IVD: variants seen among roughly 807,000 people sequenced by gnomAD.
IVD encodes the protein isovaleryl-CoA dehydrogenase.
In IVD, 31 loss-of-function variants were observed where a neutral mutation model predicts 51.3. That is an observed-to-expected ratio of 0.60 (90% CI 0.45 to 0.81). IVD has a LOEUF of 0.81. IVD is among the 40% of genes least tolerant of loss of function. The pLI is 0.00. For missense variants in IVD, 475 were observed against 552.0 expected (o/e 0.86, Z 1.40); for synonymous variants, 205 against 219.4 (o/e 0.93, Z 0.58).
chr15:40,420,146 C>T lies in IVD; in HGVS notation c.*1883C>T, dbSNP rs562252152. The T allele has an allele frequency of 5.5e-4, 526 of 948,094 alleles. 2 individuals carry two copies. The African/African-American group carries it at 8.9e-3, about 16-fold the overall frequency. The allele number at this position is 948,094 out of a possible 1,614,324, so 58.7% of individuals were successfully genotyped here. A position where few individuals can be genotyped will look rare whatever the true frequency, so the allele number is the denominator to read the frequency against. Reference sequence around the variant, plus strand: ...AAATGAACACACATGCTGCTGAGTCCGCAGGGGGGGCAGAGCAGAGGACAG... The same window carrying T: ...AAATGAACACACATGCTGCTGAGTCTGCAGGGGGGGCAGAGCAGAGGACAG... On this transcript the variant is annotated 3_prime_UTR_variant, in exon 12 of 12. Coordinates refer to ENST00000487418, the MANE Select transcript of IVD (RefSeq NM_002225.5).
At chr15:40,425,439 A>AATATATATATATATATAT (rs1566949596), downstream of IVD, among the ~76,000 whole-genome samples, 3 of 73,484 alleles carry the variant, frequency 4.1e-5, no homozygotes, top group African/African-American at 1.3e-4. Flanking sequence ...CTGGACTCAT[A>AATATATATATATATATAT]CTATATATAT....
In IVD at chr15:40,420,705, G is replaced by A. The variant is rs1044590170; in HGVS notation, c.*2442G>A. The A allele has an allele frequency of 2.0e-5, 20 of 986,190 alleles. No homozygotes were observed. In the Admixed American group the frequency reaches 9.2e-4, roughly 46 times the overall value. The allele number at this position is 986,190 out of a possible 1,614,324, so 61.1% of individuals were successfully genotyped here. On this transcript the variant is annotated 3_prime_UTR_variant, in exon 12 of 12. Coordinates refer to ENST00000487418, the MANE Select transcript of IVD (RefSeq NM_002225.5). ...GGAAGCTTATAGATTTCTGAAAACC[G>A]CCCCTTTGTTTTTAAAAAGATCAAC...
At chr15:40,433,575 C>T (rs142491008) in intron 7 of IVD, among the ~76,000 whole-genome samples, 8 of 152,258 alleles carry the variant, frequency 5.3e-5, no homozygotes, top group African/African-American at 9.6e-5. Context: ...GATATCTGAG[C>T]GGACAAGTGT....
At chr15:40,432,403 C>G (rs1893028658) in intron 7 of IVD, among the ~76,000 whole-genome samples, 1 of 152,202 alleles carries the variant, frequency 6.6e-6, no homozygotes, top group African/African-American at 2.4e-5. Flanking sequence ...GTCTGCATGG[C>G]CTCCCAAGTC....
intron 1 of IVD, among the ~76,000 whole-genome samples, chr15:40,407,354 AGGCCTG>A (rs557442065): frequency 7.1e-4 from 108 of 152,362 alleles, no homozygotes; most frequent in Middle Eastern, 3.4e-3. Flanking sequence ...AGGGCCTAGT[AGGCCTG>A]GGTGAGAAGC....
intron 7 of IVD, among the ~76,000 whole-genome samples, chr15:40,433,071 C>T (rs1035964895): frequency 4.6e-5 from 7 of 152,126 alleles, no homozygotes; most frequent in Non-Finnish European, 5.9e-5. Flanking sequence ...GACACTGTAG[C>T]GCCAGGACTG....
exon 9 of IVD, chr15:40,435,515 A>G: frequency 1.6e-6 from 2 of 1,249,928 alleles, no homozygotes; most frequent in Non-Finnish European, 2.1e-6. Flanking sequence ...ACTGAGATGC[A>G]AGATCCTCCT....
Position 40,415,330 on chromosome 15 carries a change from G to A in IVD, c.879-71G>A, listed in dbSNP as rs765466717. 16 of 1,331,134 alleles carry A rather than the reference G, an allele frequency of 1.2e-5. No individual in the cohort carries two copies. The East Asian group carries it at 2.1e-4, about 17-fold the overall frequency. The allele number at this position is 1,331,134 out of a possible 1,614,324, so 82.5% of individuals were successfully genotyped here. ...CTCCCTGGGATTCTGGCCTTCCCAC[G>A]CTAGCATTTTGCCACCACACCCGGT... On this transcript the variant is annotated intron_variant, in intron 8 of 11. Coordinates refer to ENST00000487418, the MANE Select transcript of IVD (RefSeq NM_002225.5).
chr15:40,412,357 G>T (rs937855944), intron 6 of IVD, among the ~76,000 whole-genome samples: 4 of 152,218 alleles, frequency 2.6e-5, no homozygotes, highest in African/African-American at 9.7e-5. Flanking sequence ...ACGAGTGGGG[G>T]AGTTGGCAAG....
chr15:40,411,110 G>T, intron 4 of IVD, 150 bp from the exon 5 acceptor site: 1 of 848,744 alleles, frequency 1.2e-6, no homozygotes, highest in South Asian at 1.4e-5. Context: ...TAGCCATTGG[G>T]CTTAGAAGAG....
downstream of IVD, among the ~76,000 whole-genome samples, chr15:40,425,217 G>A (rs1401683651): frequency 2.0e-5 from 3 of 152,110 alleles, no homozygotes; most frequent in African/African-American, 7.2e-5. Flanking sequence ...CATATGCAGT[G>A]TGAAAAATAA....
intron 9 of IVD, 46 bp from the exon 10 acceptor site, chr15:40,416,030 TGA>T: frequency 6.4e-7 from 1 of 1,573,076 alleles, no homozygotes; most frequent in Non-Finnish European, 8.7e-7. Flanking sequence ...TTTTGGTAAC[TGA>T]GAGAGTGTTC....
downstream of IVD, among the ~76,000 whole-genome samples, chr15:40,422,615 T>TTTTTTTTTTTTTTTTTTTTG (rs1457258132): frequency 1.1e-5 from 1 of 87,276 alleles, no homozygotes; most frequent in Non-Finnish European, 2.3e-5. Context: ...TTTTTTTTTT[T>TTTTTTTTTTTTTTTTTTTTG]TTAAGACGGA....
downstream of IVD, among the ~76,000 whole-genome samples, chr15:40,427,118 G>A (rs772118540): frequency 6.6e-5 from 10 of 152,174 alleles, no homozygotes; most frequent in East Asian, 1.9e-4. Flanking sequence ...CAGTACCTCC[G>A]CTCCTCAAAG....
chr15:40,422,329 G>C (rs1892366531), downstream of IVD, among the ~76,000 whole-genome samples: 1 of 151,804 alleles, frequency 6.6e-6, no homozygotes, highest in Non-Finnish European at 1.5e-5. Context: ...TGTCGCCCAA[G>C]CTGGAGTGCA....
Position 40,414,969 on chromosome 15 carries a change from G to A in IVD, c.865G>A (p.Gly289Arg), listed in dbSNP as rs568885234. The A allele has an allele frequency of 1.4e-5, 22 of 1,613,460 alleles. No homozygotes were observed. Among genetic ancestry groups the A allele is most frequent in the East Asian group, 4.5e-5 (2 of 44,856 alleles). The part of the protein sequence containing the change: ...GLDLERLVLA[G>R]GPLGLMQAVL... The stretch of plus-strand genomic sequence containing the variant: ...GGACCTGGAGCGGCTGGTGCTGGCC[G>A]GGGGGCCTCTTGGGTAAGTGTGAGA... Residue 289 changes from glycine (G) to arginine (R), a missense_variant, in exon 8 of 12, where the codon GGG (glycine) becomes AGG (arginine). Gly to Arg is a moderately radical substitution (Grantham distance 125). Coordinates refer to ENST00000487418, the MANE Select transcript of IVD (RefSeq NM_002225.5).
At chr15:40,431,965 C>CTTTT (rs34083732) in intron 7 of IVD, among the ~76,000 whole-genome samples, 4 of 138,836 alleles carry the variant, frequency 2.9e-5, no homozygotes, top group Non-Finnish European at 3.1e-5. Context: ...ATATCTAAGT[C>CTTTT]TTTTTTTTTT....
At chr15:40,431,273 C>G (rs1347750156) in intron 7 of IVD, among the ~76,000 whole-genome samples, 1 of 151,928 alleles carries the variant, frequency 6.6e-6, no homozygotes, top group Non-Finnish European at 1.5e-5. Flanking sequence ...TGTGAGCCAC[C>G]GTGCCCAGCC....
downstream of IVD, among the ~76,000 whole-genome samples, chr15:40,423,364 C>G (rs1892475894): frequency 6.6e-6 from 1 of 152,238 alleles, no homozygotes. Flanking sequence ...GACAAAACCA[C>G]TTTTGAATCT....
Sources: allele counts gnomAD v4.1 joint callset (sites outside exome capture counted in the v4.1 genomes callset), GRCh38; gene constraint gnomAD v4.1.1; transcripts MANE v1.5; gene names NCBI Gene and HGNC (gene_info 2026-07-23, HGNC 2026-07-21).